ALX3: variants seen among roughly 807,000 people sequenced by gnomAD.
ALX3 encodes the protein ALX homeobox 3, also known as homeobox protein aristaless-like 3.
ALX3 carries 17 observed loss-of-function variants against 26.3 expected under a neutral mutation model. That is an observed-to-expected ratio of 0.65 (90% CI 0.44 to 0.97). The LOEUF is 0.97. Ranked by LOEUF, ALX3 falls within the 50% of genes least tolerant of loss-of-function variation. ALX3 has a pLI of 0.00. For missense variants in ALX3, 461 were observed against 466.5 expected (o/e 0.99, Z 0.11); for synonymous variants, 208 against 201.4 (o/e 1.03, Z -0.28).
At chr1:110,062,806 C>T (rs1026019330) in intron 2 of ALX3, among the ~76,000 whole-genome samples, 2 of 152,156 alleles carry the variant, frequency 1.3e-5, no homozygotes, top group Non-Finnish European at 2.9e-5. Context: ...GCAAGGTCAG[C>T]AAAAGGCCAC....
At position 110,060,657 on chromosome 1, in the gene ALX3, G is replaced by GCGGCAGAGGTGCTTCCTCCGTGGTGTCC; in HGVS notation, c.*75_*76insGGACACCACGGAGGAAGCACCTCTGCCG. ...AGCCTCCAGAACCATCTGGGGCTTG[G>GCGGCAGAGGTGCTTCCTCCGTGGTGTCC]AGGCAGAGGTGGGCTGGGAGCGACT... On this transcript the variant is annotated 3_prime_UTR_variant, in exon 4 of 4. Coordinates refer to ENST00000647563, the MANE Select transcript of ALX3 (RefSeq NM_006492.3). 3.3e-6 allele frequency: 1 copy of GCGGCAGAGGTGCTTCCTCCGTGGTGTCC among 301,246 alleles called. No individual in the cohort carries two copies. The highest frequency in any genetic ancestry group is 4.1e-6 in the Non-Finnish European group (1 of 243,564). 18.7% of individuals were successfully genotyped at this position (301,246 alleles called of 1,614,324 possible). A position where few individuals can be genotyped will look rare whatever the true frequency, so the allele number is the denominator to read the frequency against.
At position 110,070,518 on chromosome 1, in the gene ALX3, G is replaced by C. The variant is rs1198010210; in HGVS notation, c.95C>G (p.Pro32Arg). 3.9e-6 allele frequency: 5 copies of C among 1,284,950 alleles called. No individual in the cohort carries two copies. The highest frequency in any genetic ancestry group is 4.9e-6 in the Non-Finnish European group (5 of 1,016,908). 79.6% of individuals were successfully genotyped at this position (1,284,950 alleles called of 1,614,324 possible). The change falls in exon 1 of 4, where the codon CCC becomes CGC. Residue 32 changes from proline (P) to arginine (R), a missense_variant. Coordinates refer to ENST00000647563, the MANE Select transcript of ALX3 (RefSeq NM_006492.3). Reference sequence around the variant, plus strand: ...GGGGTGCAGGTGAGGCGCAGCGGCGGGGGTTCCCTGCGGGCCCGGAGGCTC... The same window carrying C: ...GGGGTGCAGGTGAGGCGCAGCGGCGCGGGTTCCCTGCGGGCCCGGAGGCTC... ...GDEPPGPQGT[P>R]AAAPHLHPAP... is the part of the protein sequence containing the mutation.
chr1:110,060,115 C>A lies in ALX3; in HGVS notation c.*618G>T, dbSNP rs559533349. 6.6e-6 allele frequency: 1 copy of A among 152,176 alleles called. No homozygotes were observed. Among genetic ancestry groups the A allele is most frequent in the Non-Finnish European group, 1.5e-5 (1 of 68,070 alleles). 9.4% of individuals were successfully genotyped at this position (152,176 alleles called of 1,614,324 possible). Reference sequence around the variant, plus strand: ...GTGATTTCTGGTGGAATTTCTGCCCCCTTGGAGGGGAAGATGACTGCATGG... The same window carrying A: ...GTGATTTCTGGTGGAATTTCTGCCCACTTGGAGGGGAAGATGACTGCATGG... On this transcript the variant is annotated 3_prime_UTR_variant, in exon 4 of 4. Coordinates refer to ENST00000647563, the MANE Select transcript of ALX3 (RefSeq NM_006492.3).
Position 110,070,526 on chromosome 1 carries a change from C to T in ALX3, c.87G>A (p.Gln29=), listed in dbSNP as rs1423136090. The T allele has an allele frequency of 3.1e-6, 4 of 1,288,148 alleles. No individual in the cohort carries two copies. The highest frequency in any genetic ancestry group is 2.3e-5 in the South Asian group (1 of 42,950). The allele number at this position is 1,288,148 out of a possible 1,614,324, so 79.8% of individuals were successfully genotyped here. The change falls in exon 1 of 4, where the codon CAG becomes CAA. Residue 29 remains glutamine (Q), a synonymous_variant. Transcript: ENST00000647563. ...VASGDEPPGP[Q]GTPAAAPHLH... is the part of the protein sequence containing the mutation. Reference sequence around the variant, plus strand: ...GGTGAGGCGCAGCGGCGGGGGTTCCCTGCGGGCCCGGAGGCTCGTCCCCCG... The same window carrying T: ...GGTGAGGCGCAGCGGCGGGGGTTCCTTGCGGGCCCGGAGGCTCGTCCCCCG...
chr1:110,064,539 CTG>C lies in ALX3; in HGVS notation c.594+46_594+47del, dbSNP rs1302326601. ...GCCCTTCCAGATCACTTTCTGGTCA[CTG>C]TGTGATAGGGGCAGCCAGAGAGCCC... On this transcript the variant is annotated intron_variant, in intron 2 of 3. Coordinates refer to ENST00000647563, the MANE Select transcript of ALX3 (RefSeq NM_006492.3). The C allele has an allele frequency of 7.5e-6, 12 of 1,606,528 alleles. No homozygotes were observed. The Admixed American group carries it at 1.2e-4, about 16-fold the overall frequency.
At position 110,061,318 on chromosome 1, in the gene ALX3, AGTG is replaced by A. The variant is rs72190140; in HGVS notation, c.723+114_723+116del. ...CCCCGGTTTGCAGAGAAAGAAGTGA[AGTG>A]GTGTACCCACTGTCATACAGAACGC... is the stretch of plus-strand genomic sequence containing the variant. On this transcript the variant is annotated intron_variant, in intron 3 of 3. Coordinates refer to ENST00000647563, the MANE Select transcript of ALX3 (RefSeq NM_006492.3). The A allele has an allele frequency of 7.5e-3, 11,015 of 1,468,704 alleles. 652 individuals are homozygous for A. In the African/African-American group the frequency reaches 0.13, roughly 17 times the overall value. The allele number at this position is 1,468,704 out of a possible 1,614,324, so 91.0% of individuals were successfully genotyped here.
At position 110,059,929 on chromosome 1, in the gene ALX3, CCTTT is replaced by C. The variant is rs1429919746; in HGVS notation, c.*800_*803del. ...GGCAGCCTTTTTTTTCTCTCTCTCTCCTTTTTTTTTTTTTTAAACAAAAAAAACA... is the reference window on the plus strand; with the variant it reads ...GGCAGCCTTTTTTTTCTCTCTCTCTCTTTTTTTTTTTAAACAAAAAAAACA... On this transcript the variant is annotated 3_prime_UTR_variant, in exon 4 of 4. Transcript: ENST00000647563. 1.3e-5 allele frequency: 2 copies of C among 150,810 alleles called. No homozygotes were observed. Among genetic ancestry groups the C allele is most frequent in the Non-Finnish European group, 2.9e-5 (2 of 67,870 alleles). 9.3% of individuals were successfully genotyped at this position (150,810 alleles called of 1,614,324 possible).
At chr1:110,066,207 GTCC>G (rs1480707819) in intron 1 of ALX3, among the ~76,000 whole-genome samples, 3 of 152,218 alleles carry the variant, frequency 2.0e-5, no homozygotes, top group Non-Finnish European at 2.9e-5. Flanking sequence ...ATGGGGCAGG[GTCC>G]TCCTCAGCTG....
chr1:110,070,140 C>A (rs1377222085), intron 1 of ALX3, among the ~76,000 whole-genome samples, 196 bp downstream of exon 1: 1 of 152,180 alleles, frequency 6.6e-6, no homozygotes, highest in African/African-American at 2.4e-5. Context: ...GGTTCACCCT[C>A]CCGCCCCACA....
rs1364535909 is a variant in ALX3, at chr1:110,060,615, G to A, written c.*118C>T. On this transcript the variant is annotated 3_prime_UTR_variant, in exon 4 of 4. Coordinates refer to ENST00000647563, the MANE Select transcript of ALX3 (RefSeq NM_006492.3). ...ACGTGTTCCCTGCTGGGGGCTGACAGTGCCAGCTGCTCTCGCAGCCTCCAG... is the reference window on the plus strand; with the variant it reads ...ACGTGTTCCCTGCTGGGGGCTGACAATGCCAGCTGCTCTCGCAGCCTCCAG... 3.5e-6 allele frequency: 2 copies of A among 579,036 alleles called. No homozygotes were observed. Among genetic ancestry groups the A allele is most frequent in the East Asian group, 7.1e-5 (1 of 14,102 alleles). 35.9% of individuals were successfully genotyped at this position (579,036 alleles called of 1,614,324 possible). A position where few individuals can be genotyped will look rare whatever the true frequency, so the allele number is the denominator to read the frequency against.
At position 110,064,962 on chromosome 1, in the gene ALX3, G is replaced by A. The variant is rs543078780; in HGVS notation, c.278-59C>T. 30 of 1,487,060 alleles carry A rather than the reference G, an allele frequency of 2.0e-5. No homozygotes were observed. In the East Asian group the frequency reaches 6.7e-4, roughly 33 times the overall value. 92.1% of individuals were successfully genotyped at this position (1,487,060 alleles called of 1,614,324 possible). ...CTGAACCAGGGGCTTTTGTGGGTTG[G>A]AATGGAGGGAGGGGGAAGAACATTG... On this transcript the variant is annotated intron_variant, in intron 1 of 3. Coordinates refer to ENST00000647563, the MANE Select transcript of ALX3 (RefSeq NM_006492.3).
chr1:110,061,893 G>A, intron 2 of ALX3: 2 of 384,878 alleles, frequency 5.2e-6, no homozygotes, highest in South Asian at 5.4e-5. Flanking sequence ...TACTTCCTGG[G>A]TATACTGTGT....
At chr1:110,061,636 GAT>G (rs1187207502) in intron 2 of ALX3, 73 bp from the exon 3 acceptor site, 22 of 1,595,246 alleles carry the variant, frequency 1.4e-5, no homozygotes, top group Non-Finnish European at 1.7e-5. Context: ...AGGGAGAGCT[GAT>G]GGTTGTGTCC....
At position 110,060,313 on chromosome 1, in the gene ALX3, TC is replaced by T. The variant is rs1313551253; in HGVS notation, c.*419del. 2.0e-5 allele frequency: 3 copies of T among 153,780 alleles called. No homozygotes were observed. In the East Asian group the frequency reaches 5.8e-4, roughly 30 times the overall value. 9.5% of individuals were successfully genotyped at this position (153,780 alleles called of 1,614,324 possible). On this transcript the variant is annotated 3_prime_UTR_variant, in exon 4 of 4. Transcript: ENST00000647563. ...CTGACTCCACCCCATCATGGGAGAC[TC>T]CCTTTTGGTTTCCATCTCATCATGA...
At position 110,061,527 on chromosome 1, in the gene ALX3, G is replaced by T. The variant is rs781127904; in HGVS notation, c.631C>A (p.Arg211Ser). Residue 211 changes from arginine to serine, a missense_variant, in exon 3 of 4, where the codon CGC (arginine) becomes AGC (serine). Transcript: ENST00000647563. The part of the protein sequence containing the change: ...FQNRRAKWRK[R>S]ERYGKIQEGR... ...TCCTGGATCTTCCCATAACGCTCGC[G>T]CTTCCGCCACTTGGCTCTGCGGTTC... The T allele has an allele frequency of 3.7e-6, 6 of 1,614,064 alleles. No individual in the cohort carries two copies. Among genetic ancestry groups the T allele is most frequent in the African/African-American group, 2.7e-5 (2 of 74,920 alleles).
intron 1 of ALX3, among the ~76,000 whole-genome samples, chr1:110,066,330 C>G (rs1653782326): frequency 6.6e-6 from 1 of 152,166 alleles, no homozygotes; most frequent in African/African-American, 2.4e-5. Context: ...TGGACCATGC[C>G]CAGCCTGTAC....
chr1:110,061,287 C>T, intron 3 of ALX3, 148 bp downstream of exon 3: 1 of 1,321,656 alleles, frequency 7.6e-7, no homozygotes, highest in African/African-American at 1.5e-5. Context: ...ATGAGACAGG[C>T]AAGAGCCCCG....
At chr1:110,070,292 A>G (rs1653886433) in intron 1 of ALX3, 44 bp downstream of exon 1, 1 of 1,290,130 alleles carries the variant, frequency 7.8e-7, no homozygotes, top group Non-Finnish European at 9.8e-7. Context: ...AAGGAAGAAG[A>G]AGAGAGGGTC....
intron 2 of ALX3, chr1:110,062,386 A>T (rs1399062723): frequency 5.9e-5 from 9 of 152,244 alleles, no homozygotes; most frequent in African/African-American, 2.2e-4. Flanking sequence ...TGTTGTGCAC[A>T]TCTGTGTACA....
Sources: gnomAD v4.1 joint callset for allele counts (sites outside exome capture counted in the v4.1 genomes callset) on GRCh38, gnomAD v4.1.1 for gene constraint, MANE v1.5 for transcripts, NCBI Gene and HGNC (gene_info 2026-07-23, HGNC 2026-07-21) for gene names.